Variants in SETD7 observed in about 807,000 individuals in gnomAD.
SETD7 encodes the protein histone-lysine N-methyltransferase SETD7.
In SETD7, 16 loss-of-function variants were observed where a neutral mutation model predicts 41.8. The observed-to-expected ratio is 0.38, with a 90% confidence interval of 0.26 to 0.58. The LOEUF (loss-of-function observed/expected upper bound fraction) is 0.58, where lower values mean the gene tolerates loss of function less well. Ranked by LOEUF, SETD7 falls within the 20% of genes least tolerant of loss-of-function variation. The pLI is 0.64. For synonymous variants in SETD7, 163 were observed against 169.7 expected (o/e 0.96, Z 0.31); for missense variants, 346 against 459.7 (o/e 0.75, Z 2.26).
intron 1 of SETD7, among the ~76,000 whole-genome samples, chr4:139,553,130 G>C (rs1323964579): frequency 2.0e-5 from 3 of 152,082 alleles, no homozygotes; most frequent in African/African-American, 4.8e-5. Flanking sequence ...ACACTCTCTC[G>C]ACACAGCCTC....
At chr4:139,529,274 TG>T in intron 3 of SETD7, 54 bp from the exon 4 acceptor site, 1 of 1,453,892 alleles carries the variant, frequency 6.9e-7, no homozygotes, top group East Asian at 2.3e-5. Context: ...GTCTAGGACA[TG>T]AGTCCCAAGA....
chr4:139,549,464 C>T (rs2111175823), intron 1 of SETD7, among the ~76,000 whole-genome samples: 1 of 151,648 alleles, frequency 6.6e-6, no homozygotes, highest in Middle Eastern at 3.4e-3. Context: ...TAGTACTGAT[C>T]CCAGTTGAGA....
chr4:139,523,175 C>T (rs2111138138), intron 5 of SETD7, among the ~76,000 whole-genome samples, 179 bp downstream of exon 5: 1 of 152,290 alleles, frequency 6.6e-6, no homozygotes, highest in Admixed American at 6.5e-5. Context: ...AACACTCTTC[C>T]TCAGAATATA....
intron 3 of SETD7, among the ~76,000 whole-genome samples, chr4:139,530,413 T>A (rs1727451952): frequency 6.7e-6 from 1 of 150,056 alleles, no homozygotes; most frequent in Non-Finnish European, 1.5e-5. Flanking sequence ...TAAAAATGAA[T>A]CATGGCACTT....
At chr4:139,528,912 C>G in intron 4 of SETD7, 119 bp downstream of exon 4, 1 of 878,356 alleles carries the variant, frequency 1.1e-6, no homozygotes, top group Non-Finnish European at 1.8e-6. Flanking sequence ...TAAAACCTGA[C>G]TAATAAACAC....
chr4:139,499,924 G>A (rs1281740552), intron 7 of SETD7, among the ~76,000 whole-genome samples: 1 of 152,054 alleles, frequency 6.6e-6, no homozygotes, highest in Admixed American at 6.6e-5. Flanking sequence ...GTTTTGCTAG[G>A]TTTTCCCACT....
chr4:139,517,094 G>C (rs2111129578), intron 7 of SETD7, among the ~76,000 whole-genome samples: 1 of 152,274 alleles, frequency 6.6e-6, no homozygotes, highest in East Asian at 1.9e-4. Flanking sequence ...TCAAATAATA[G>C]GGACTCTGAT....
At chr4:139,521,593 C>T (rs148847744) in intron 5 of SETD7, among the ~76,000 whole-genome samples, 167 of 152,288 alleles carry the variant, frequency 1.1e-3, no homozygotes, top group African/African-American at 3.4e-3. Context: ...TTTATTTCTT[C>T]GCTGTGATAG....
At chr4:139,514,231 G>A (rs964656803) in intron 7 of SETD7, among the ~76,000 whole-genome samples, 2 of 152,052 alleles carry the variant, frequency 1.3e-5, no homozygotes, top group Non-Finnish European at 2.9e-5. Context: ...GTTGCAGTGA[G>A]CTGACATTAT....
At chr4:139,543,684 G>C (rs1727840815) in intron 2 of SETD7, among the ~76,000 whole-genome samples, 1 of 151,906 alleles carries the variant, frequency 6.6e-6, no homozygotes, top group South Asian at 2.1e-4. Flanking sequence ...TGGGCGTAGT[G>C]GCTCACACCC....
chr4:139,512,203 A>G (rs1726894950), intron 7 of SETD7, among the ~76,000 whole-genome samples: 1 of 152,226 alleles, frequency 6.6e-6, no homozygotes, highest in Admixed American at 6.5e-5. Flanking sequence ...ATGAGAAATC[A>G]GATCCAGTGC....
intron 2 of SETD7, among the ~76,000 whole-genome samples, chr4:139,544,611 T>C (rs769115404): frequency 3.9e-5 from 6 of 152,156 alleles, no homozygotes; most frequent in Non-Finnish European, 8.8e-5. Context: ...GGGATCAGCA[T>C]CTTGAAGCTA....
chr4:139,536,905 A>C (rs1727654818), intron 2 of SETD7, among the ~76,000 whole-genome samples: 1 of 152,190 alleles, frequency 6.6e-6, no homozygotes, highest in South Asian at 2.1e-4. Flanking sequence ...CGAAAGGCTG[A>C]GGCACGAGAA....
rs1726832482 is a variant in SETD7, at chr4:139,510,236, C to G, written c.*1427G>C. 1 of 52,776 alleles carries G rather than the reference C, an allele frequency of 1.9e-5. No individual in the cohort carries two copies. Among genetic ancestry groups the G allele is most frequent in the African/African-American group, 4.2e-5 (1 of 23,856 alleles). The allele number at this position is 52,776 out of a possible 1,614,324, so 3.3% of individuals were successfully genotyped here. On this transcript the variant is annotated 3_prime_UTR_variant, in exon 8 of 8. Transcript: ENST00000274031. Reference sequence around the variant, plus strand: ...AGGTGACAGGAATCACAGCTGACAGCTACAGATCAGCACAACAGCTGCTCT... The same window carrying G: ...AGGTGACAGGAATCACAGCTGACAGGTACAGATCAGCACAACAGCTGCTCT...
At position 139,509,748 on chromosome 4, in the gene SETD7, G is replaced by T. The variant is rs1035657395; in HGVS notation, c.*1915C>A. On this transcript the variant is annotated 3_prime_UTR_variant, in exon 8 of 8. Coordinates refer to ENST00000274031, the MANE Select transcript of SETD7 (RefSeq NM_030648.4). ...CCCATCCGTCACAGTGTATAGAACG[G>T]TCTCTTTCTACAGAGTAAGAGTGAC... 3.2e-5 allele frequency: 32 copies of T among 985,334 alleles called. No homozygotes were observed. Among genetic ancestry groups the T allele is most frequent in the Non-Finnish European group, 3.5e-5 (29 of 829,954 alleles). The allele number at this position is 985,334 out of a possible 1,614,324, so 61.0% of individuals were successfully genotyped here. A position where few individuals can be genotyped will look rare whatever the true frequency, so the allele number is the denominator to read the frequency against.
chr4:139,526,290 T>A (rs913537593), intron 4 of SETD7, among the ~76,000 whole-genome samples: 5 of 150,706 alleles, frequency 3.3e-5, no homozygotes, highest in Non-Finnish European at 7.4e-5. Flanking sequence ...TTTTTTTTTT[T>A]AAAGACAGGG....
intron 2 of SETD7, among the ~76,000 whole-genome samples, chr4:139,534,663 C>T (rs1172565118): frequency 6.6e-6 from 1 of 152,112 alleles, no homozygotes; most frequent in East Asian, 1.9e-4. Context: ...CACAACTAGT[C>T]AACATTTACA....
intron 2 of SETD7, among the ~76,000 whole-genome samples, chr4:139,536,913 G>A (rs1022547994): frequency 6.6e-6 from 1 of 152,226 alleles, no homozygotes; most frequent in Admixed American, 6.5e-5. Context: ...TGAGGCACGA[G>A]AATTGCTTGA....
downstream of SETD7, chr4:139,495,917 A>G (rs1316481141): frequency 6.5e-6 from 1 of 153,318 alleles, no homozygotes; most frequent in Non-Finnish European, 1.5e-5. Context: ...TGGTACGTTT[A>G]TACCTAATAA....
Sources: allele counts gnomAD v4.1 joint callset (sites outside exome capture counted in the v4.1 genomes callset), GRCh38; gene constraint gnomAD v4.1.1; transcripts MANE v1.5; gene names NCBI Gene and HGNC (gene_info 2026-07-23, HGNC 2026-07-21).